The following SUSD1 variants were observed in gnomAD, a reference collection of about 807,000 sequenced individuals.
SUSD1 encodes sushi domain-containing protein 1.
Under a neutral mutation model 86.9 loss-of-function variants are expected in SUSD1, and 65 were observed. That is an observed-to-expected ratio of 0.75 (90% confidence interval 0.61 to 0.92). The LOEUF is 0.92. Ranked by LOEUF, SUSD1 falls within the 40% of genes least tolerant of loss-of-function variation. SUSD1 has a pLI of 0.00. For missense variants in SUSD1, 850 were observed against 929.7 expected (o/e 0.91, Z 1.11); for synonymous variants, 346 against 350.0 (o/e 0.99, Z 0.13).
intron 10 of SUSD1, among the ~76,000 whole-genome samples, chr9:112,091,751 A>T (rs1273685358): frequency 6.6e-6 from 1 of 152,178 alleles, no homozygotes; most frequent in East Asian, 1.9e-4. Flanking sequence ...CTTGATTTAC[A>T]TTTGGGGAGC....
At chr9:112,133,495 G>A (rs937320526) in intron 5 of SUSD1, among the ~76,000 whole-genome samples, 1 of 152,222 alleles carries the variant, frequency 6.6e-6, no homozygotes, top group African/African-American at 2.4e-5. Flanking sequence ...AAATGGTGCT[G>A]GGATAGCTGG....
intron 2 of SUSD1, among the ~76,000 whole-genome samples, chr9:112,153,324 G>A (rs1833146312): frequency 6.6e-6 from 1 of 151,776 alleles, no homozygotes; most frequent in Non-Finnish European, 1.5e-5. Flanking sequence ...TTAGGCAATA[G>A]CTTAGGCCTA....
At chr9:112,161,161 C>T (rs933461768) in intron 1 of SUSD1, among the ~76,000 whole-genome samples, 9 of 151,518 alleles carry the variant, frequency 5.9e-5, no homozygotes, top group African/African-American at 1.9e-4. Flanking sequence ...GTGGATCACT[C>T]GAGGTCAGGA....
chr9:112,045,577 C>G (rs1827921904), intron 15 of SUSD1, among the ~76,000 whole-genome samples: 1 of 152,156 alleles, frequency 6.6e-6, no homozygotes, highest in Non-Finnish European at 1.5e-5. Flanking sequence ...GCAATCTGAC[C>G]TAATCTGCTC....
intron 1 of SUSD1, among the ~76,000 whole-genome samples, chr9:112,160,392 A>G (rs1021589681): frequency 3.9e-5 from 6 of 152,132 alleles, no homozygotes; most frequent in African/African-American, 1.4e-4. Flanking sequence ...AAAAATACAA[A>G]AATTAGCCGG....
chr9:112,165,529 C>A (rs886159985), intron 1 of SUSD1, among the ~76,000 whole-genome samples: 37 of 151,462 alleles, frequency 2.4e-4, no homozygotes, highest in African/African-American at 9.0e-4. Context: ...TGTGTCTCAG[C>A]CTCCTGAGTA....
In SUSD1 at chr9:112,058,631, A is replaced by G. The variant is rs368983690; in HGVS notation, c.1906T>C (p.Ser636Pro). 2 of 1,614,062 alleles carry G rather than the reference A, an allele frequency of 1.2e-6. No individual in the cohort carries two copies. The highest frequency in any genetic ancestry group is 2.7e-5 in the African/African-American group (2 of 74,924). ...LALQSTFSCD[S>P]EGASSFFSNA... is the part of the protein sequence containing the mutation. ...CTAAAGAAGGAGGAAGCGCCTTCAG[A>G]ATCACAAGAAAATGTGCTTTGGAGG... Residue 636 changes from serine (S) to proline (P), a missense_variant, in exon 14 of 17, where the codon TCT (serine) becomes CCT (proline). By Grantham distance (74) the Ser-to-Pro change is moderately conservative. Transcript: ENST00000374270.
chr9:112,152,751 C>CTTTTTTTTTT (rs71382410), intron 2 of SUSD1, among the ~76,000 whole-genome samples: 8 of 87,492 alleles, frequency 9.1e-5, no homozygotes, highest in Non-Finnish European at 1.3e-4. Flanking sequence ...TTTTTTTAAT[C>CTTTTTTTTTT]TTTTTTTTTT....
chr9:112,131,147 G>A (rs775300526), intron 5 of SUSD1, among the ~76,000 whole-genome samples: 14 of 152,168 alleles, frequency 9.2e-5, no homozygotes, highest in Admixed American at 1.3e-4. Flanking sequence ...CACACCATTC[G>A]TAAAAGAGCT....
At chr9:112,112,599 G>T (rs1197580266) in intron 7 of SUSD1, among the ~76,000 whole-genome samples, 172 bp downstream of exon 7, 2 of 151,704 alleles carry the variant, frequency 1.3e-5, no homozygotes. Flanking sequence ...TCCCACCACT[G>T]CACTCCAGCC....
chr9:112,174,646 TCA>T (rs1478312933), intron 1 of SUSD1, among the ~76,000 whole-genome samples: 1 of 152,204 alleles, frequency 6.6e-6, no homozygotes, highest in African/African-American at 2.4e-5. Flanking sequence ...CGCGTCTTTC[TCA>T]CCATATTTAG....
At chr9:112,102,376 G>A (rs1234536214) in intron 8 of SUSD1, 91 bp from the exon 9 acceptor site, 1 of 555,192 alleles carries the variant, frequency 1.8e-6, no homozygotes. Flanking sequence ...GACACCTTAA[G>A]AGAGCCAATT....
intron 5 of SUSD1, among the ~76,000 whole-genome samples, chr9:112,137,378 C>G (rs1444421180): frequency 6.6e-6 from 1 of 152,144 alleles, no homozygotes; most frequent in African/African-American, 2.4e-5. Flanking sequence ...GAAAATGCAG[C>G]AAGCACTCTC....
At chr9:112,112,663 A>G in intron 7 of SUSD1, 108 bp downstream of exon 7, 1 of 719,474 alleles carries the variant, frequency 1.4e-6, no homozygotes, top group Non-Finnish European at 2.4e-6. Flanking sequence ...AAAAGAAAAA[A>G]AAACAGCAAT....
chr9:112,086,565 AGAG>A (rs767042328), intron 10 of SUSD1, among the ~76,000 whole-genome samples: 33,204 of 132,114 alleles, frequency 0.25, 4,425 homozygotes, highest in Non-Finnish European at 0.31. Flanking sequence ...AAAGAAAGAG[AGAG>A]AGAGAGAGAG....
At chr9:112,045,414 A>C (rs532676067) in intron 15 of SUSD1, among the ~76,000 whole-genome samples, 1 of 152,352 alleles carries the variant, frequency 6.6e-6, no homozygotes, top group East Asian at 1.9e-4. Context: ...ATAATTGTTA[A>C]TGAGTTGATA....
chr9:112,111,672 T>G lies in SUSD1; in HGVS notation c.1153A>C (p.Ile385Leu). The G allele has an allele frequency of 6.2e-7, 1 of 1,613,814 alleles. No individual in the cohort carries two copies. The highest frequency in any genetic ancestry group is 8.5e-7 in the Non-Finnish European group (1 of 1,179,890). ...CACCTACCAGCTGTCTGGAAACCGA[T>G]GACGGCTGGCATCGAGCGCCTGGGA... ...APPRRSMPAV[I>L]GFQTAEVDLL... Residue 385 changes from isoleucine (I) to leucine (L), a missense_variant, in exon 8 of 17, where the codon ATC becomes CTC. Ile to Leu is a conservative substitution (Grantham distance 5). Coordinates refer to ENST00000374270, the MANE Select transcript of SUSD1 (RefSeq NM_022486.5).
chr9:112,045,597 C>T (rs374749173), intron 15 of SUSD1, among the ~76,000 whole-genome samples: 67 of 152,296 alleles, frequency 4.4e-4, no homozygotes, highest in African/African-American at 1.5e-3. Flanking sequence ...CTTAAAGCTC[C>T]TGACTCCCGG....
chr9:112,066,562 C>T (rs1307577072), intron 12 of SUSD1, among the ~76,000 whole-genome samples: 1 of 152,154 alleles, frequency 6.6e-6, no homozygotes, highest in East Asian at 1.9e-4. Flanking sequence ...GAAAACAAAC[C>T]TGGAAGAGAC....
Sources: gnomAD v4.1 joint callset for allele counts (sites outside exome capture counted in the v4.1 genomes callset) on GRCh38, gnomAD v4.1.1 for gene constraint, MANE v1.5 for transcripts, NCBI Gene and HGNC (gene_info 2026-07-23, HGNC 2026-07-21) for gene names.